Variants in ZDHHC5 observed in about 807,000 individuals in gnomAD.
ZDHHC5 encodes the protein zDHHC palmitoyltransferase 5.
ZDHHC5 carries 22 observed loss-of-function variants against 70.0 expected under a neutral mutation model. The observed-to-expected ratio is 0.31, with a 90% confidence interval of 0.22 to 0.45. The LOEUF (loss-of-function observed/expected upper bound fraction) is 0.45, where lower values mean the gene tolerates loss of function less well. Among genes scored for constraint, ZDHHC5 ranks in the 20% least tolerant of loss-of-function variants. ZDHHC5 has a pLI of 1.00. For missense variants in ZDHHC5, 746 were observed against 926.9 expected, an observed-to-expected ratio of 0.80 and a Z score of 2.53; for synonymous variants, 313 against 347.8, an observed-to-expected ratio of 0.90 and a Z score of 1.11.
Position 57,699,024 on chromosome 11 carries a change from C to T in ZDHHC5, c.1588C>T (p.Pro530Ser), listed in dbSNP as rs778725894. 3.1e-6 allele frequency: 5 copies of T among 1,610,310 alleles called. No individual in the cohort carries two copies. In the Admixed American group the frequency reaches 5.0e-5, roughly 16 times the overall value. ...TGGCCCAACACACCGAGAGCCCTCA[C>T]CAGTCCGTTACGACAATCTGTCGCG... ...PTGPTHREPSPVRYDNLSRHI... is the reference protein window; with the variant it reads ...PTGPTHREPSSVRYDNLSRHI... The change falls in exon 11 of 12, where the codon CCA becomes TCA. Residue 530 changes from proline (P) to serine (S), a missense_variant. Pro to Ser is a moderately conservative substitution (Grantham distance 74). Coordinates refer to ENST00000287169, the MANE Select transcript of ZDHHC5 (RefSeq NM_015457.3).
intron 2 of ZDHHC5, among the ~76,000 whole-genome samples, chr11:57,676,245 A>G (rs1946069432): frequency 1.3e-5 from 2 of 152,234 alleles, no homozygotes; most frequent in African/African-American, 4.8e-5. Flanking sequence ...TGAACAGAAC[A>G]GTTCAGGCCT....
rs761315745 is a variant in ZDHHC5, at chr11:57,690,418, G to A, written c.641G>A (p.Gly214Glu). 1 of 1,614,134 alleles carries A rather than the reference G, an allele frequency of 6.2e-7. No homozygotes were observed. The highest frequency in any genetic ancestry group is 1.1e-5 in the South Asian group (1 of 91,076). ...TGFHVVLVAR[G>E]RTTNEQVTGK... ...TTTCACGTGGTTCTGGTGGCCAGGG[G>A]ACGCACAACCAATGAACAGGTATGG... Residue 214 changes from glycine (G) to glutamate (E), a missense_variant, in exon 6 of 12, where the codon GGA becomes GAA. Physicochemically the swap from Gly to Glu is moderately conservative, Grantham distance 98. Coordinates refer to ENST00000287169, the MANE Select transcript of ZDHHC5 (RefSeq NM_015457.3).
At chr11:57,676,677 G>A (rs1380758071) in intron 2 of ZDHHC5, among the ~76,000 whole-genome samples, 1 of 151,810 alleles carries the variant, frequency 6.6e-6, no homozygotes, top group African/African-American at 2.4e-5. Flanking sequence ...TAAAAATTAG[G>A]GCTGCTCTGG....
chr11:57,688,552 T>C lies in ZDHHC5; in HGVS notation c.271T>C (p.Tyr91His). 1 of 1,605,988 alleles carries C rather than the reference T, an allele frequency of 6.2e-7. No homozygotes were observed. The highest frequency in any genetic ancestry group is 8.5e-7 in the Non-Finnish European group (1 of 1,176,328). ...DKEDDFRAPLYKTVEIKGIQV... is the reference protein window; with the variant it reads ...DKEDDFRAPLHKTVEIKGIQV... ...GGAAGATGATTTCCGAGCTCCCCTT[T>C]ACAAAACAGTGGAGATAAAGGGCAT... Residue 91 changes from tyrosine (Y) to histidine (H), a missense_variant, in exon 4 of 12, where the codon TAC becomes CAC. Coordinates refer to ENST00000287169, the MANE Select transcript of ZDHHC5 (RefSeq NM_015457.3).
rs754424410 is a variant in ZDHHC5, at chr11:57,672,017, C to G, written c.-1070-4C>G. ...CTCTGATAAAGATACTTGTTTTTCT[C>G]CAGGTGAGACACAGTAACCTGGTTG... On this transcript the variant is annotated splice_polypyrimidine_tract_variant and splice_region_variant and intron_variant, in intron 1 of 11. Transcript: ENST00000287169. The G allele has an allele frequency of 2.6e-6, 1 of 384,246 alleles. No individual in the cohort carries two copies. Among genetic ancestry groups the G allele is most frequent in the Admixed American group, 4.5e-5 (1 of 22,300 alleles). The allele number at this position is 384,246 out of a possible 1,614,324, so 23.8% of individuals were successfully genotyped here. A position where few individuals can be genotyped will look rare whatever the true frequency, so the allele number is the denominator to read the frequency against.
rs1946016360 is a variant in ZDHHC5, at chr11:57,672,295, T to C, written c.-796T>C. The C allele has an allele frequency of 2.5e-6, 1 of 398,436 alleles. No individual in the cohort carries two copies. The highest frequency in any genetic ancestry group is 1.3e-4 in the South Asian group (1 of 7,702). 24.7% of individuals were successfully genotyped at this position (398,436 alleles called of 1,614,324 possible). A position where few individuals can be genotyped will look rare whatever the true frequency, so the allele number is the denominator to read the frequency against. On this transcript the variant is annotated 5_prime_UTR_variant, in exon 2 of 12. Transcript: ENST00000287169. ...AGGGCTTGGGAATAACAAGAAGAGA[T>C]TGAAGACAGAGAAGCTTGCCCTGTT...
intron 2 of ZDHHC5, among the ~76,000 whole-genome samples, chr11:57,675,627 C>T (rs371443495): frequency 6.6e-6 from 1 of 152,194 alleles, no homozygotes; most frequent in African/African-American, 2.4e-5. Context: ...GGACCAATTT[C>T]TGGGCTCCAT....
At chr11:57,671,390 T>C (rs1419421065) in intron 1 of ZDHHC5, among the ~76,000 whole-genome samples, 1 of 152,218 alleles carries the variant, frequency 6.6e-6, no homozygotes, top group Non-Finnish European at 1.5e-5. Flanking sequence ...AACTGTTGAA[T>C]TGGGAAAAAA....
intron 6 of ZDHHC5, among the ~76,000 whole-genome samples, chr11:57,691,492 C>A (rs1946284688): frequency 6.6e-6 from 1 of 152,078 alleles, no homozygotes; most frequent in African/African-American, 2.4e-5. Context: ...CCACTGCGCC[C>A]AGCCTAAAAA....
In ZDHHC5 at chr11:57,684,067, T is replaced by C. The variant is rs201005818; in HGVS notation, c.226+1524T>C. Among the ~76,000 whole-genome samples the C allele has an allele frequency of 4.8e-4, 38 of 79,744 alleles. No individual in the cohort carries two copies. The Middle Eastern group carries it at 0.016, about 35-fold the overall frequency. 52.3% of individuals were successfully genotyped at this position (79,744 alleles called of 152,430 possible). Reference sequence around the variant, plus strand: ...GCTCACTGCAGCCTTGACCCCCCCCTGGCTCAGGTGATCTCCCACCTCAGC... The same window carrying C: ...GCTCACTGCAGCCTTGACCCCCCCCCGGCTCAGGTGATCTCCCACCTCAGC... On this transcript the variant is annotated intron_variant, in intron 3 of 11. Transcript: ENST00000287169.
intron 2 of ZDHHC5, among the ~76,000 whole-genome samples, chr11:57,680,764 G>T (rs1946139728): frequency 6.6e-6 from 1 of 152,152 alleles, no homozygotes; most frequent in African/African-American, 2.4e-5. Context: ...GCTTTGGGGT[G>T]AGGCGGTGCA....
chr11:57,677,250 G>C (rs1946083743), intron 2 of ZDHHC5, among the ~76,000 whole-genome samples: 1 of 149,608 alleles, frequency 6.7e-6, no homozygotes, highest in Non-Finnish European at 1.5e-5. Context: ...AAGCTGGTGG[G>C]GAGGGGGCAG....
At chr11:57,693,953 A>G (rs1946317950) in intron 8 of ZDHHC5, 38 bp downstream of exon 8, 1 of 1,575,952 alleles carries the variant, frequency 6.3e-7, no homozygotes, top group Non-Finnish European at 8.6e-7. Context: ...ATAACATGGA[A>G]GTCTCACCCA....
At chr11:57,694,597 A>T (rs1269150810) in intron 8 of ZDHHC5, among the ~76,000 whole-genome samples, 2 of 152,042 alleles carry the variant, frequency 1.3e-5, no homozygotes, top group Non-Finnish European at 2.9e-5. Context: ...CCTGACCTGA[A>T]GTGATCCAAC....
chr11:57,673,151 G>T lies in ZDHHC5; in HGVS notation c.61G>T (p.Ala21Ser). ...CAAGTATGTCCCGGTCTCTGCAGCC[G>T]CCATCTTCCTAGTGGGAGCTACGAC... ...PSKYVPVSAA[A>S]IFLVGATTLF... Residue 21 changes from alanine (A) to serine (S), a missense_variant, in exon 2 of 12, where the codon GCC becomes TCC. By Grantham distance (99) the Ala-to-Ser change is moderately conservative. This residue lies in a region of ZDHHC5 where 89 missense variants were observed against 130.7 expected (regional missense o/e 0.68). Coordinates refer to ENST00000287169, the MANE Select transcript of ZDHHC5 (RefSeq NM_015457.3). The T allele has an allele frequency of 6.2e-7, 1 of 1,613,814 alleles. No homozygotes were observed. Among genetic ancestry groups the T allele is most frequent in the African/African-American group, 1.3e-5 (1 of 75,012 alleles).
chr11:57,699,699 T>C (rs1300595731), intron 11 of ZDHHC5, among the ~76,000 whole-genome samples, 167 bp from the exon 12 acceptor site: 3 of 152,224 alleles, frequency 2.0e-5, no homozygotes, highest in Non-Finnish European at 4.4e-5. Flanking sequence ...TAGGAGAGAT[T>C]GGGAATCAGG....
intron 2 of ZDHHC5, among the ~76,000 whole-genome samples, chr11:57,673,974 TATAAG>T (rs1482334608): frequency 6.6e-6 from 1 of 152,252 alleles, no homozygotes; most frequent in Non-Finnish European, 1.5e-5. Flanking sequence ...AGAATTGATT[TATAAG>T]ATACACCAAT....
intron 2 of ZDHHC5, among the ~76,000 whole-genome samples, chr11:57,680,272 G>C (rs1158678017): frequency 6.6e-6 from 1 of 152,190 alleles, no homozygotes; most frequent in Non-Finnish European, 1.5e-5. Flanking sequence ...AGCTACCCAG[G>C]AGGCTGGGGT....
At chr11:57,669,454 T>C (rs1353949040) in intron 1 of ZDHHC5, among the ~76,000 whole-genome samples, 1 of 152,196 alleles carries the variant, frequency 6.6e-6, no homozygotes, top group Non-Finnish European at 1.5e-5. Context: ...GGCATACATA[T>C]TACTTTTTTT....
Sources: gnomAD v4.1 joint callset for allele counts (sites outside exome capture counted in the v4.1 genomes callset) on GRCh38, gnomAD v4.1.1 for gene constraint, gnomAD v4.1.1 regional missense constraint, MANE v1.5 for transcripts, NCBI Gene and HGNC (gene_info 2026-07-23, HGNC 2026-07-21) for gene names.